The following CLSPN variants were observed in gnomAD, a reference collection of about 807,000 sequenced individuals.
CLSPN encodes claspin homolog.
A neutral mutation model predicts 156.3 loss-of-function variants in CLSPN; 85 were observed. The observed-to-expected ratio is 0.54, with a 90% confidence interval of 0.46 to 0.65. The LOEUF is 0.65. CLSPN is among the 30% of genes least tolerant of loss of function. CLSPN has a pLI of 0.00. For synonymous variants in CLSPN, 534 were observed against 542.4 expected, an observed-to-expected ratio of 0.98 and a Z score of 0.22; for missense variants, 1,407 against 1,554.9, an observed-to-expected ratio of 0.90 and a Z score of 1.60.
rs926817849 is a variant in CLSPN, at chr1:35,738,141, C to G, written c.3559-44G>C. 9.7e-6 allele frequency: 6 copies of G among 615,480 alleles called. No homozygotes were observed. The African/African-American group carries it at 1.2e-4, about 13-fold the overall frequency. 38.1% of individuals were successfully genotyped at this position (615,480 alleles called of 1,614,324 possible). A position where few individuals can be genotyped will look rare whatever the true frequency, so the allele number is the denominator to read the frequency against. On this transcript the variant is annotated intron_variant, in intron 21 of 24. Transcript: ENST00000318121. ...ATATATATATATATATATATATATACAGCATTAAAAGTCTATAACCTTCCT... is the reference window on the plus strand; with the variant it reads ...ATATATATATATATATATATATATAGAGCATTAAAAGTCTATAACCTTCCT...
chr1:35,759,976 G>A (rs188490300), intron 8 of CLSPN, among the ~76,000 whole-genome samples: 49 of 152,042 alleles, frequency 3.2e-4, no homozygotes, highest in African/African-American at 1.2e-3. Flanking sequence ...TAGGACTACA[G>A]ATGCGTGCCA....
At chr1:35,753,598 A>T in intron 9 of CLSPN, 147 bp downstream of exon 9, 1 of 683,736 alleles carries the variant, frequency 1.5e-6, no homozygotes, top group Non-Finnish European at 2.5e-6. Context: ...TAGGTGTGCT[A>T]CACGTGAATC....
At chr1:35,737,292 T>G in intron 23 of CLSPN, 47 bp downstream of exon 23, 1 of 1,529,720 alleles carries the variant, frequency 6.5e-7, no homozygotes, top group East Asian at 2.3e-5. Context: ...CCTGGGCCTT[T>G]ATAACCTGTA....
At chr1:35,759,723 A>C (rs1035278957) in intron 8 of CLSPN, among the ~76,000 whole-genome samples, 1 of 152,132 alleles carries the variant, frequency 6.6e-6, no homozygotes, top group Non-Finnish European at 1.5e-5. Context: ...TTGACTCAGG[A>C]TTACAGAAAA....
At chr1:35,758,531 G>A (rs562250465) in intron 8 of CLSPN, among the ~76,000 whole-genome samples, 1 of 152,040 alleles carries the variant, frequency 6.6e-6, no homozygotes, top group Non-Finnish European at 1.5e-5. Flanking sequence ...TGTAATCCCA[G>A]CTACTTGAGA....
At chr1:35,731,406 C>T (rs1641314212), downstream of CLSPN, among the ~76,000 whole-genome samples, 1 of 152,066 alleles carries the variant, frequency 6.6e-6, no homozygotes, top group African/African-American at 2.4e-5. Context: ...GAAGAGTAGA[C>T]AGCAGGTTGG....
intron 10 of CLSPN, among the ~76,000 whole-genome samples, chr1:35,750,288 G>C (rs1284872810): frequency 6.6e-6 from 1 of 151,812 alleles, no homozygotes; most frequent in Non-Finnish European, 1.5e-5. Context: ...TTGAGGCCAG[G>C]AGTTCGAGAC....
chr1:35,745,471 T>C lies in CLSPN; in HGVS notation c.2946A>G (p.Ser982=), dbSNP rs558946758. 1.5e-4 allele frequency: 245 copies of C among 1,613,430 alleles called. 3 individuals are homozygous for C. In the South Asian group the frequency reaches 2.5e-3, roughly 17 times the overall value. The part of the protein sequence containing the change: ...DPMEEALALC[S]GSFPTDKEEE... ...CTTACTTGTCTGTGGGAAAAGAGCCTGAGCAAAGAGCAAGTGCTTCTTCCA... is the reference window on the plus strand; with the variant it reads ...CTTACTTGTCTGTGGGAAAAGAGCCCGAGCAAAGAGCAAGTGCTTCTTCCA... The change falls in exon 16 of 25, where the codon TCA becomes TCG. Residue 982 remains serine (S), a synonymous_variant. Transcript: ENST00000318121.
intron 22 of CLSPN, 34 bp downstream of exon 22, chr1:35,737,958 G>A: frequency 8.2e-7 from 1 of 1,212,248 alleles, no homozygotes; most frequent in South Asian, 1.9e-5. Flanking sequence ...TAACAATCCA[G>A]GGGGCTAGAC....
At position 35,738,100 on chromosome 1, in the gene CLSPN, G is replaced by GAA. The variant is rs367728453; in HGVS notation, c.3559-5_3559-4dup. ...GCTGTAATTTTCCCCTGCTGTGCCT[G>GAA]AAAAAAAAAAAAAATATATATATAT... On this transcript the variant is annotated splice_region_variant and splice_polypyrimidine_tract_variant and intron_variant, in intron 21 of 24. Coordinates refer to ENST00000318121, the MANE Select transcript of CLSPN (RefSeq NM_022111.4). The GAA allele has an allele frequency of 2.4e-4, 86 of 355,674 alleles. No individual in the cohort carries two copies. Among genetic ancestry groups the GAA allele is most frequent in the African/African-American group, 6.1e-4 (14 of 22,822 alleles). 22.0% of individuals were successfully genotyped at this position (355,674 alleles called of 1,614,324 possible).
In CLSPN at chr1:35,733,126, C is replaced by A. The variant is rs1467121776; in HGVS notation, c.*3370G>T. The A allele has an allele frequency of 4.5e-6, 1 of 219,842 alleles. No homozygotes were observed. Among genetic ancestry groups the A allele is most frequent in the Admixed American group, 6.5e-5 (1 of 15,288 alleles). 13.6% of individuals were successfully genotyped at this position (219,842 alleles called of 1,614,324 possible). On this transcript the variant is annotated 3_prime_UTR_variant, in exon 25 of 25. Transcript: ENST00000318121. ...ACTACAGGCACCTGCCACCACCAAG[C>A]CTGGCTGATTTTTGTATTTTTAGTA...
Position 35,748,005 on chromosome 1 carries a change from A to G in CLSPN, c.2529T>C (p.Tyr843=). 6.2e-7 allele frequency: 1 copy of G among 1,614,192 alleles called. No individual in the cohort carries two copies. The highest frequency in any genetic ancestry group is 2.2e-5 in the East Asian group (1 of 44,892). The change falls in exon 14 of 25, where the codon TAT becomes TAC. Residue 843 remains tyrosine, a synonymous_variant. Coordinates refer to ENST00000318121, the MANE Select transcript of CLSPN (RefSeq NM_022111.4). ...SLPIEDSQDL[Y]NASPEPKTLF... is the part of the protein sequence containing the mutation. ...GTGTCTTAGGCTCTGGGGAGGCGTTATACAGATCCTGGGAATCCTCTATGG... is the reference window on the plus strand; with the variant it reads ...GTGTCTTAGGCTCTGGGGAGGCGTTGTACAGATCCTGGGAATCCTCTATGG...
At chr1:35,764,750 T>A in intron 2 of CLSPN, 36 bp from the exon 3 acceptor site, 1 of 1,383,640 alleles carries the variant, frequency 7.2e-7, no homozygotes, top group South Asian at 1.4e-5. Flanking sequence ...TATACCATCA[T>A]TTGATCTTCC....
downstream of CLSPN, among the ~76,000 whole-genome samples, chr1:35,728,683 G>A (rs952517106): frequency 6.6e-6 from 1 of 152,082 alleles, no homozygotes; most frequent in Non-Finnish European, 1.5e-5. Context: ...CTGTGTAAGG[G>A]ACTGAGGGCT....
At position 35,751,427 on chromosome 1, in the gene CLSPN, T is replaced by C; in HGVS notation, c.1851A>G (p.Gln617=). The change falls in exon 10 of 25, where the codon CAA becomes CAG. Residue 617 remains glutamine, a synonymous_variant. Transcript: ENST00000318121. ...CTTCATTATCTAATTTAAACAGTGC[T>C]TGGCGCTTCTGGCGCTCCTCAAACC... ...LRRFEERQKR[Q]ALFKLDNEDG... 6.2e-7 allele frequency: 1 copy of C among 1,614,112 alleles called. No homozygotes were observed. The highest frequency in any genetic ancestry group is 8.5e-7 in the Non-Finnish European group (1 of 1,180,014).
At chr1:35,730,023 A>G (rs1002398079), downstream of CLSPN, among the ~76,000 whole-genome samples, 2 of 152,182 alleles carry the variant, frequency 1.3e-5, no homozygotes, top group African/African-American at 2.4e-5. Flanking sequence ...GCTCCTCTGT[A>G]TATAATTCAG....
Position 35,760,803 on chromosome 1 carries a change from T to C in CLSPN, c.1118A>G (p.Asn373Ser). ...KGSEQTTGAE[N>S]EVETNALPVV... ...AGGGAGTGCATTAGTTTCCACTTCA[T>C]TTTCTGCACCTGTTGTCTGCTCAGA... Residue 373 changes from asparagine (N) to serine (S), a missense_variant, in exon 8 of 25, where the codon AAT (asparagine) becomes AGT (serine). This residue lies in a region of CLSPN where 1,096 missense variants were observed against 1,193.0 expected (regional missense o/e 0.92). Coordinates refer to ENST00000318121, the MANE Select transcript of CLSPN (RefSeq NM_022111.4). 1 of 1,613,810 alleles carries C rather than the reference T, an allele frequency of 6.2e-7. No homozygotes were observed. Among genetic ancestry groups the C allele is most frequent in the Non-Finnish European group, 8.5e-7 (1 of 1,179,984 alleles).
chr1:35,742,429 T>C (rs369825571), intron 18 of CLSPN, among the ~76,000 whole-genome samples: 30 of 152,272 alleles, frequency 2.0e-4, no homozygotes, highest in African/African-American at 7.0e-4. Context: ...TGGGGCAATC[T>C]TGGCTCACTG....
intron 2 of CLSPN, 145 bp downstream of exon 2, chr1:35,765,073 T>C: frequency 1.6e-6 from 1 of 609,724 alleles, no homozygotes; most frequent in South Asian, 2.1e-5. Context: ...GTACAAGCAC[T>C]GTTATTTTGC....
Sources: gnomAD v4.1 joint callset for allele counts (sites outside exome capture counted in the v4.1 genomes callset) on GRCh38, gnomAD v4.1.1 for gene constraint, gnomAD v4.1.1 regional missense constraint, MANE v1.5 for transcripts, NCBI Gene and HGNC (gene_info 2026-07-23, HGNC 2026-07-21) for gene names.